The following FCRL4 variants were observed in gnomAD, a reference collection of about 807,000 sequenced individuals.
FCRL4 encodes the protein Fc receptor-like protein 4.
In FCRL4, 43 loss-of-function variants were observed where a neutral mutation model predicts 64.1. The ratio of observed to expected loss-of-function variants is 0.67; its 90% CI spans 0.53 to 0.87. The LOEUF (loss-of-function observed/expected upper bound fraction) is 0.87. FCRL4 is among the 40% of genes least tolerant of loss of function. The probability of loss-of-function intolerance (pLI) is 0.00; values close to 1 mark genes in which losing one functional copy is unlikely to be tolerated. For synonymous variants in FCRL4, 253 were observed against 239.8 expected, an observed-to-expected ratio of 1.05 and a Z score of -0.51; for missense variants, 656 against 613.5, an observed-to-expected ratio of 1.07 and a Z score of -0.73.
chr1:157,596,572 G>T (rs1389876549), intron 1 of FCRL4, among the ~76,000 whole-genome samples: 1 of 152,140 alleles, frequency 6.6e-6, no homozygotes, highest in Admixed American at 6.5e-5. Context: ...CAAACCACAT[G>T]AACTTTCAAG....
chr1:157,579,140 A>G (rs151190661), intron 8 of FCRL4, among the ~76,000 whole-genome samples: 92 of 152,294 alleles, frequency 6.0e-4, no homozygotes, highest in African/African-American at 2.1e-3. Context: ...CAGAATGATT[A>G]CTCTTGTTTG....
At position 157,578,871 on chromosome 1, in the gene FCRL4, C is replaced by T. The variant is rs1652480705; in HGVS notation, c.1278-19G>A. ...AGGGAGCCTGTGAGACACAGAAACA[C>T]ATAATAATCCCTGGAACACTGTAAC... On this transcript the variant is annotated intron_variant, in intron 8 of 11. Transcript: ENST00000271532. 1 of 1,592,482 alleles carries T rather than the reference C, an allele frequency of 6.3e-7. No homozygotes were observed. The highest frequency in any genetic ancestry group is 8.6e-7 in the Non-Finnish European group (1 of 1,164,336).
chr1:157,584,580 T>C (rs1005844938), intron 6 of FCRL4, among the ~76,000 whole-genome samples: 3 of 151,690 alleles, frequency 2.0e-5, no homozygotes, highest in African/African-American at 7.3e-5. Flanking sequence ...TCAGTCTCAG[T>C]CCTTCTCTGC....
At chr1:157,577,238 T>C (rs377429560) in intron 10 of FCRL4, among the ~76,000 whole-genome samples, 5 of 152,174 alleles carry the variant, frequency 3.3e-5, no homozygotes, top group African/African-American at 1.2e-4. Context: ...AAATTCCTCT[T>C]GAACTTCTGA....
At chr1:157,587,617 A>G (rs896054958) in intron 4 of FCRL4, 57 bp from the exon 5 acceptor site, 116 of 1,561,346 alleles carry the variant, frequency 7.4e-5, no homozygotes, top group Non-Finnish European at 9.7e-5. Context: ...ACTCTGTGAG[A>G]GACAGGTTTG....
In FCRL4 at chr1:157,575,592, A is replaced by G. The variant is rs1344941754; in HGVS notation, c.1480T>C (p.Ser494Pro). The change falls in exon 12 of 12, where the codon TCT becomes CCT. Residue 494 changes from serine (S) to proline (P), a missense_variant. Coordinates refer to ENST00000271532, the MANE Select transcript of FCRL4 (RefSeq NM_031282.3). ...LEDKDVSVVYSEVKTQHPDNS... is the reference protein window; with the variant it reads ...LEDKDVSVVYPEVKTQHPDNS... The stretch of plus-strand genomic sequence containing the variant: ...TCTGGGTGTTGTGTCTTTACCTCAG[A>G]GTAGACAACTGAGACATCCTGAAAT... The G allele has an allele frequency of 6.2e-7, 1 of 1,613,652 alleles. No homozygotes were observed. Among genetic ancestry groups the G allele is most frequent in the Non-Finnish European group, 8.5e-7 (1 of 1,179,584 alleles).
Position 157,592,212 on chromosome 1 carries a change from A to G in FCRL4, c.53-2754T>C, listed in dbSNP as rs144633186. 6.3e-3 allele frequency among the ~76,000 whole-genome samples: 955 copies of G among 152,334 alleles called. 10 individuals carry two copies. The highest frequency in any genetic ancestry group is 0.022 in the African/African-American group (915 of 41,576). ...CAAAGACTTCATGACTAAAACACCA[A>G]AAGCAATGTCAACAAAAGCCAAAAT... On this transcript the variant is annotated intron_variant, in intron 2 of 11. Coordinates refer to ENST00000271532, the MANE Select transcript of FCRL4 (RefSeq NM_031282.3).
chr1:157,580,225 C>T, intron 8 of FCRL4, 96 bp downstream of exon 8: 1 of 1,328,776 alleles, frequency 7.5e-7, no homozygotes. Context: ...GCCACAGGGC[C>T]AAAGAGGTAT....
In FCRL4 at chr1:157,586,406, C is replaced by T; in HGVS notation, c.897G>A (p.Gln299=). The T allele has an allele frequency of 6.2e-7, 1 of 1,612,788 alleles. No homozygotes were observed. Among genetic ancestry groups the T allele is most frequent in the Non-Finnish European group, 8.5e-7 (1 of 1,179,972 alleles). ...VLLETQPSGG[Q]AVEGEMLVLV... ...GGACCAGCATCTCCCCTTCAACAGC[C>T]TGGCCCCCTGAGGGCTGGGTCTCCA... Residue 299 remains glutamine (Q), a synonymous_variant, in exon 6 of 12, where the codon CAG becomes CAA. Coordinates refer to ENST00000271532, the MANE Select transcript of FCRL4 (RefSeq NM_031282.3).
At chr1:157,585,378 C>T (rs1005045302) in intron 6 of FCRL4, among the ~76,000 whole-genome samples, 3 of 105,260 alleles carry the variant, frequency 2.9e-5, no homozygotes, top group South Asian at 6.3e-4. Context: ...TTCTTTCTTT[C>T]TTTCTTTCTT....
At position 157,581,579 on chromosome 1, in the gene FCRL4, G is replaced by A. The variant is rs199557831; in HGVS notation, c.1201C>T (p.Leu401Phe). 97 of 1,614,124 alleles carry A rather than the reference G, an allele frequency of 6.0e-5. No homozygotes were observed. The East Asian group carries it at 1.9e-3, about 32-fold the overall frequency. ...TGAAACAGCAGGGCCACAGCCAGGAGAAGAGCACTGAGCAGCCCTCCAGTG... is the reference window on the plus strand; with the variant it reads ...TGAAACAGCAGGGCCACAGCCAGGAAAAGAGCACTGAGCAGCCCTCCAGTG... ...GATGGLLSAL[L>F]LAVALLFHCW... Residue 401 changes from leucine (L) to phenylalanine (F), a missense_variant, in exon 7 of 12, where the codon CTC becomes TTC. Physicochemically the swap from Leu to Phe is conservative, Grantham distance 22. Coordinates refer to ENST00000271532, the MANE Select transcript of FCRL4 (RefSeq NM_031282.3).
intron 6 of FCRL4, 102 bp from the exon 7 acceptor site, chr1:157,581,746 A>T: frequency 1.2e-6 from 1 of 869,242 alleles, no homozygotes; most frequent in South Asian, 1.6e-5. Context: ...AGAGAGAAAA[A>T]TCTAAAGGAC....
At chr1:157,577,164 T>C (rs1401530860) in intron 10 of FCRL4, among the ~76,000 whole-genome samples, 1 of 152,214 alleles carries the variant, frequency 6.6e-6, no homozygotes, top group African/African-American at 2.4e-5. Context: ...AATGTGTCTC[T>C]GCTTTAGCTT....
In FCRL4 at chr1:157,580,314, G is replaced by A; in HGVS notation, c.1277+7C>T. On this transcript the variant is annotated splice_region_variant and intron_variant, in intron 8 of 11. Coordinates refer to ENST00000271532, the MANE Select transcript of FCRL4 (RefSeq NM_031282.3). The stretch of plus-strand genomic sequence containing the variant: ...CTAAAAAGGAATGGCAGAAACTGAG[G>A]TCTCACCTGGTTTCGTCTCCCAAGA... 6.2e-7 allele frequency: 1 copy of A among 1,614,088 alleles called. No homozygotes were observed. The highest frequency in any genetic ancestry group is 8.5e-7 in the Non-Finnish European group (1 of 1,179,980).
intron 6 of FCRL4, 57 bp from the exon 7 acceptor site, chr1:157,581,701 C>G (rs1358984476): frequency 1.7e-5 from 24 of 1,395,094 alleles, no homozygotes; most frequent in Non-Finnish European, 2.2e-5. Context: ...TTGGGATTGC[C>G]TTTTCCTCAG....
intron 2 of FCRL4, among the ~76,000 whole-genome samples, chr1:157,593,351 G>GGCT (rs1185254617): frequency 6.6e-6 from 1 of 152,110 alleles, no homozygotes; most frequent in Non-Finnish European, 1.5e-5. Flanking sequence ...AGTTCCTGTG[G>GGCT]GAGAGTAAGG....
intron 2 of FCRL4, among the ~76,000 whole-genome samples, chr1:157,594,127 A>G (rs1652904128): frequency 6.6e-6 from 1 of 152,246 alleles, no homozygotes; most frequent in African/African-American, 2.4e-5. Flanking sequence ...AATCTATAAT[A>G]GGGAAAACAC....
At position 157,574,991 on chromosome 1, in the gene FCRL4, T is replaced by G. The variant is rs849829; in HGVS notation, c.*533A>C. On this transcript the variant is annotated 3_prime_UTR_variant, in exon 12 of 12. Coordinates refer to ENST00000271532, the MANE Select transcript of FCRL4 (RefSeq NM_031282.3). ...CCAGATGGGTTCTTTAATCTGCAAC[T>G]GAATCCTGACAGTGTAAGCTGTGCA... 0.01 allele frequency: 2,314 copies of G among 221,876 alleles called. 50 individuals are homozygous for G. Among genetic ancestry groups the G allele is most frequent in the African/African-American group, 0.047 (2,120 of 44,730 alleles). The allele number at this position is 221,876 out of a possible 1,614,324, so 13.7% of individuals were successfully genotyped here.
intron 8 of FCRL4, among the ~76,000 whole-genome samples, chr1:157,579,054 C>T (rs1652485378): frequency 6.6e-6 from 1 of 152,174 alleles, no homozygotes; most frequent in South Asian, 2.1e-4. Flanking sequence ...AACCCTGGAG[C>T]TGTGGTATGG....
Sources: gnomAD v4.1 joint callset for allele counts (sites outside exome capture counted in the v4.1 genomes callset) on GRCh38, gnomAD v4.1.1 for gene constraint, MANE v1.5 for transcripts, NCBI Gene and HGNC (gene_info 2026-07-23, HGNC 2026-07-21) for gene names.